SETD3: variants seen among roughly 807,000 people sequenced by gnomAD.
SETD3 encodes actin-histidine N-methyltransferase.
Under a neutral mutation model 63.0 loss-of-function variants are expected in SETD3, and 19 were observed. That is an observed-to-expected ratio of 0.30 (90% CI 0.21 to 0.44). The LOEUF (loss-of-function observed/expected upper bound fraction) is 0.44, where lower values mean the gene tolerates loss of function less well. Among genes scored for constraint, SETD3 ranks in the 20% least tolerant of loss-of-function variants. SETD3 has a pLI of 1.00. For synonymous variants in SETD3, 286 were observed against 264.1 expected, an observed-to-expected ratio of 1.08 and a Z score of -0.80; for missense variants, 587 against 728.5, an observed-to-expected ratio of 0.81 and a Z score of 2.24.
upstream of SETD3, among the ~76,000 whole-genome samples, chr14:99,483,185 A>G (rs8015304): frequency 0.46 from 70,238 of 151,920 alleles, 17,231 homozygotes; most frequent in Non-Finnish European, 0.56. Context: ...TTGTTGGAAG[A>G]GCCAACAAGT....
upstream of SETD3, among the ~76,000 whole-genome samples, chr14:99,482,057 A>G (rs2139841692): frequency 6.6e-6 from 1 of 152,296 alleles, no homozygotes; most frequent in East Asian, 1.9e-4. Flanking sequence ...TTATGAGAGA[A>G]ATTGTTCTTT....
chr14:99,458,526 T>C lies in SETD3; in HGVS notation c.428A>G (p.Tyr143Cys), dbSNP rs1281032737. Residue 143 changes from tyrosine to cysteine, a missense_variant, in exon 6 of 13, where the codon TAT becomes TGT. Coordinates refer to ENST00000331768, the MANE Select transcript of SETD3 (RefSeq NM_032233.3). ...SAKNSVLGPL[Y>C]SQDRILQAMG... ...GGCTTGAAGGATTCGGTCTTGAGAA[T>C]ATAAGGGCCCTGAATTAACCCAGAA... is the stretch of plus-strand genomic sequence containing the variant. 6.2e-7 allele frequency: 1 copy of C among 1,613,892 alleles called. No homozygotes were observed. Among genetic ancestry groups the C allele is most frequent in the Non-Finnish European group, 8.5e-7 (1 of 1,179,890 alleles).
chr14:99,410,007 TA>T, intron 8 of SETD3: 2 of 467,286 alleles, frequency 4.3e-6, no homozygotes, highest in South Asian at 4.5e-5. Context: ...AATAATTTTT[TA>T]AAAAGGCAGA....
At chr14:99,445,531 G>A (rs556773327) in intron 6 of SETD3, among the ~76,000 whole-genome samples, 26 of 152,158 alleles carry the variant, frequency 1.7e-4, no homozygotes, top group Non-Finnish European at 2.5e-4. Context: ...TATCACCTCC[G>A]TTTTCTTCCT....
intron 1 of SETD3, among the ~76,000 whole-genome samples, chr14:99,470,319 A>G (rs1895630880): frequency 6.6e-6 from 1 of 152,358 alleles, no homozygotes; most frequent in African/African-American, 2.4e-5. Context: ...TACAGATGCT[A>G]AAGAGTTGGC....
chr14:99,414,501 A>G (rs1047467302), intron 6 of SETD3, among the ~76,000 whole-genome samples: 1 of 152,272 alleles, frequency 6.6e-6, no homozygotes, highest in African/African-American at 2.4e-5. Flanking sequence ...AGCACGGAAA[A>G]TCAGGAGAAG....
intron 8 of SETD3, chr14:99,410,299 C>G (rs1427451637): frequency 2.5e-6 from 4 of 1,603,538 alleles, no homozygotes; most frequent in Middle Eastern, 1.7e-4. Flanking sequence ...AGAGACTTGT[C>G]TGCTATTGTA....
chr14:99,481,441 A>C, upstream of SETD3: 1 of 398,684 alleles, frequency 2.5e-6, no homozygotes, highest in Non-Finnish European at 4.4e-6. Flanking sequence ...CGCAGTCGGC[A>C]AGGAGAGACG....
intron 2 of SETD3, among the ~76,000 whole-genome samples, chr14:99,464,786 T>G (rs2400669): frequency 0.42 from 63,753 of 152,186 alleles, 13,859 homozygotes; most frequent in East Asian, 0.56. Flanking sequence ...CTAAAACAAG[T>G]AGAGGCACTT....
Position 99,413,020 on chromosome 14 carries a change from T to C in SETD3, c.780A>G (p.Thr260=). The C allele has an allele frequency of 1.9e-6, 3 of 1,614,144 alleles. No homozygotes were observed. The highest frequency in any genetic ancestry group is 2.5e-6 in the Non-Finnish European group (3 of 1,179,986). Reference sequence around the variant, plus strand: ...CCAGGGTCACGCGGGAACCATCCTCTGTGGGAATTTGGTTTTGCCTCGTCA... The same window carrying C: ...CCAGGGTCACGCGGGAACCATCCTCCGTGGGAATTTGGTTTTGCCTCGTCA... The part of the protein sequence containing the change: ...SVMTRQNQIP[T]EDGSRVTLAL... Residue 260 remains threonine (T), a synonymous_variant, in exon 8 of 13, where the codon ACA becomes ACG. Coordinates refer to ENST00000331768, the MANE Select transcript of SETD3 (RefSeq NM_032233.3).
chr14:99,406,632 C>T (rs763121701), intron 8 of SETD3, 42 bp from the exon 9 acceptor site: 2 of 1,554,494 alleles, frequency 1.3e-6, no homozygotes, highest in South Asian at 1.1e-5. Context: ...GAGGCAAACA[C>T]ACGCACATCT....
chr14:99,448,623 C>T (rs908952234), intron 6 of SETD3, among the ~76,000 whole-genome samples: 32 of 152,178 alleles, frequency 2.1e-4, no homozygotes, highest in African/African-American at 7.5e-4. Flanking sequence ...TCAACCTCAA[C>T]ACCTCCGGCC....
chr14:99,407,904 C>T (rs934661817), intron 8 of SETD3, among the ~76,000 whole-genome samples: 6 of 152,204 alleles, frequency 3.9e-5, no homozygotes, highest in East Asian at 1.9e-4. Context: ...AGAATATTCA[C>T]GTGATGCATG....
intron 11 of SETD3, among the ~76,000 whole-genome samples, chr14:99,402,382 G>A (rs922530315): frequency 2.0e-5 from 3 of 152,188 alleles, no homozygotes; most frequent in Non-Finnish European, 4.4e-5. Flanking sequence ...GAGCAACCTC[G>A]GCCAAGTTAC....
chr14:99,459,373 T>C (rs1489031500), intron 4 of SETD3, among the ~76,000 whole-genome samples, 188 bp from the exon 5 acceptor site: 1 of 152,180 alleles, frequency 6.6e-6, no homozygotes, highest in Non-Finnish European at 1.5e-5. Flanking sequence ...AGTAGAAGTA[T>C]AGCTTAAAAT....
At chr14:99,401,865 T>C (rs918223584) in intron 11 of SETD3, among the ~76,000 whole-genome samples, 3 of 152,186 alleles carry the variant, frequency 2.0e-5, no homozygotes, top group African/African-American at 7.2e-5. Context: ...CGGCAGAGCT[T>C]TCTCTCCGCT....
chr14:99,428,594 C>T lies in SETD3; in HGVS notation c.676-14660G>A, dbSNP rs567710366. 3.9e-5 allele frequency among the ~76,000 whole-genome samples: 6 copies of T among 152,112 alleles called. No homozygotes were observed. The South Asian group carries it at 8.3e-4, about 21-fold the overall frequency. On this transcript the variant is annotated intron_variant, in intron 6 of 12. Coordinates refer to ENST00000331768, the MANE Select transcript of SETD3 (RefSeq NM_032233.3). Reference sequence around the variant, plus strand: ...CAAGGAGGTGGAGTTTGCAGTAAGCCGAGATCATGCCACTGCACTCAGCCT... The same window carrying T: ...CAAGGAGGTGGAGTTTGCAGTAAGCTGAGATCATGCCACTGCACTCAGCCT...
chr14:99,415,616 T>C (rs1314698450), intron 6 of SETD3, among the ~76,000 whole-genome samples: 1 of 151,852 alleles, frequency 6.6e-6, no homozygotes, highest in African/African-American at 2.4e-5. Flanking sequence ...AAAAAAACAC[T>C]CAAGAAAAAA....
intron 1 of SETD3, among the ~76,000 whole-genome samples, chr14:99,475,452 C>T (rs995737346): frequency 1.3e-5 from 2 of 152,232 alleles, no homozygotes; most frequent in Non-Finnish European, 2.9e-5. Flanking sequence ...CGCCTTTAGG[C>T]GGCCAGCAGA....
Sources: allele counts gnomAD v4.1 joint callset (sites outside exome capture counted in the v4.1 genomes callset), GRCh38; gene constraint gnomAD v4.1.1; transcripts MANE v1.5; gene names NCBI Gene and HGNC (gene_info 2026-07-23, HGNC 2026-07-21).